PSMD7: variants seen among roughly 807,000 people sequenced by gnomAD.
PSMD7 encodes 26S proteasome non-ATPase regulatory subunit 7.
PSMD7 carries 13 observed loss-of-function variants against 36.4 expected under a neutral mutation model. That is an observed-to-expected ratio of 0.36 (90% confidence interval 0.23 to 0.57). The LOEUF (loss-of-function observed/expected upper bound fraction) is 0.57, where lower values mean the gene tolerates loss of function less well. PSMD7 is among the 20% of genes least tolerant of loss of function. The pLI is 0.83. For missense variants in PSMD7, 298 were observed against 393.6 expected (o/e 0.76, Z 2.06); for synonymous variants, 186 against 151.0 (o/e 1.23, Z -1.70).
In PSMD7 at chr16:74,305,600, C is replaced by A; in HGVS notation, c.842C>A (p.Ala281Asp). Residue 281 changes from alanine to aspartate, a missense_variant, in exon 7 of 7, where the codon GCC becomes GAC. Physicochemically the swap from Ala to Asp is moderately radical, Grantham distance 126. Transcript: ENST00000219313. ...ALHNLINNKI[A>D]NRDAEKKEGQ... Reference sequence around the variant, plus strand: ...CACAACCTCATCAACAACAAGATTGCCAACCGGGATGCAGAGAAGAAAGAA... The same window carrying A: ...CACAACCTCATCAACAACAAGATTGACAACCGGGATGCAGAGAAGAAAGAA... The A allele has an allele frequency of 6.2e-7, 1 of 1,600,254 alleles. No individual in the cohort carries two copies. Among genetic ancestry groups the A allele is most frequent in the Non-Finnish European group, 8.6e-7 (1 of 1,168,888 alleles).
In PSMD7 at chr16:74,305,758, A is replaced by G. The variant is rs766601346; in HGVS notation, c.*25A>G. ...AAACATGTATTAAATAGCTTTTTTAATTTGTAAATTAAAATCTTACAAACT... is the reference window on the plus strand; with the variant it reads ...AAACATGTATTAAATAGCTTTTTTAGTTTGTAAATTAAAATCTTACAAACT... On this transcript the variant is annotated 3_prime_UTR_variant, in exon 7 of 7. Transcript: ENST00000219313. 2.8e-6 allele frequency: 4 copies of G among 1,410,326 alleles called. No individual in the cohort carries two copies. In the African/African-American group the frequency reaches 4.3e-5, roughly 15 times the overall value. 87.4% of individuals were successfully genotyped at this position (1,410,326 alleles called of 1,614,324 possible).
rs79151396 is a variant in PSMD7 at position 74,296,851 on chromosome 16, C to T, written c.-64C>T. 7,987 of 1,565,536 alleles carry T rather than the reference C, an allele frequency of 5.1e-3. 48 individuals carry two copies. Among genetic ancestry groups the T allele is most frequent in the Middle Eastern group, 0.014 (84 of 5,832 alleles). Reference sequence around the variant, plus strand: ...ACTGGGCCTGAAAGGGTACCGGTGACCGCTACTGCTGCCGGTGTTTGCGTG... The same window carrying T: ...ACTGGGCCTGAAAGGGTACCGGTGATCGCTACTGCTGCCGGTGTTTGCGTG... On this transcript the variant is annotated 5_prime_UTR_variant, in exon 1 of 7. Coordinates refer to ENST00000219313, the MANE Select transcript of PSMD7 (RefSeq NM_002811.5).
intron 1 of PSMD7, among the ~76,000 whole-genome samples, chr16:74,297,418 G>A (rs1365580285): frequency 6.6e-6 from 1 of 151,896 alleles, no homozygotes; most frequent in East Asian, 1.9e-4. Flanking sequence ...GCGGAGGCGG[G>A]CTAGCTTCAT....
intron 1 of PSMD7, 99 bp downstream of exon 1, chr16:74,297,087 G>C: frequency 2.3e-6 from 3 of 1,307,968 alleles, no homozygotes; most frequent in Non-Finnish European, 2.2e-6. Context: ...TGGGGACGCA[G>C]ATAGGGCGGC....
chr16:74,304,253 T>A, intron 5 of PSMD7, 50 bp from the exon 6 acceptor site: 3 of 1,534,220 alleles, frequency 2.0e-6, no homozygotes, highest in Non-Finnish European at 2.7e-6. Flanking sequence ...GGAACACATG[T>A]CAGTTCGTTT....
chr16:74,299,302 T>G (rs1404378588), intron 1 of PSMD7, among the ~76,000 whole-genome samples: 1 of 152,202 alleles, frequency 6.6e-6, no homozygotes, highest in Non-Finnish European at 1.5e-5. Flanking sequence ...TTGTAACTCC[T>G]TAGGAGAAAA....
At chr16:74,301,701 C>T in intron 4 of PSMD7, 49 bp downstream of exon 4, 2 of 1,482,980 alleles carry the variant, frequency 1.3e-6, no homozygotes, top group East Asian at 2.3e-5. Flanking sequence ...TTTTGCCAGC[C>T]AGCTCAAGTA....
intron 4 of PSMD7, 108 bp downstream of exon 4, chr16:74,301,760 C>T: frequency 1.2e-6 from 1 of 808,696 alleles, no homozygotes; most frequent in Non-Finnish European, 2.0e-6. Flanking sequence ...ACTGCTTTAT[C>T]TCCATAAACT....
chr16:74,298,900 C>CT (rs2034134904), intron 1 of PSMD7, among the ~76,000 whole-genome samples: 1 of 152,068 alleles, frequency 6.6e-6, no homozygotes, highest in Non-Finnish European at 1.5e-5. Context: ...ACTAGCTTCT[C>CT]TATCAAGTAA....
intron 1 of PSMD7, among the ~76,000 whole-genome samples, chr16:74,297,259 G>GCCGAAGTTCGTTTTA (rs1483360782): frequency 6.6e-6 from 1 of 152,244 alleles, no homozygotes; most frequent in Admixed American, 6.5e-5. Flanking sequence ...AGTTCGTTTT[G>GCCGAAGTTCGTTTTA]CCGAAGTTCG....
chr16:74,300,994 G>T, intron 2 of PSMD7, 58 bp from the exon 3 acceptor site: 1 of 1,059,768 alleles, frequency 9.4e-7, no homozygotes, highest in South Asian at 1.3e-5. Context: ...CTTCAATTGT[G>T]ACCTGTGTTC....
intron 1 of PSMD7, among the ~76,000 whole-genome samples, chr16:74,297,437 G>C (rs1054917926): frequency 1.3e-5 from 2 of 151,932 alleles, no homozygotes; most frequent in African/African-American, 4.8e-5. Flanking sequence ...ATTTGGCTCT[G>C]ACCCCCGACC....
At chr16:74,301,242 T>G in intron 3 of PSMD7, 98 bp downstream of exon 3, 1 of 753,726 alleles carries the variant, frequency 1.3e-6, no homozygotes, top group Non-Finnish European at 2.2e-6. Context: ...CCCTTTCACT[T>G]AGCTACACTT....
intron 4 of PSMD7, 150 bp from the exon 5 acceptor site, chr16:74,302,062 A>G (rs2034160124): frequency 1.5e-6 from 1 of 672,238 alleles, no homozygotes; most frequent in Non-Finnish European, 2.6e-6. Context: ...TGATGAGATC[A>G]TTTGAAGCAT....
intron 2 of PSMD7, among the ~76,000 whole-genome samples, 179 bp from the exon 3 acceptor site, chr16:74,300,873 G>C (rs1173500231): frequency 1.3e-5 from 2 of 152,216 alleles, no homozygotes; most frequent in Non-Finnish European, 2.9e-5. Flanking sequence ...GAAGCTGGAA[G>C]TCTGGATTTT....
In PSMD7 at chr16:74,302,307, T is replaced by C. The variant is rs757911182; in HGVS notation, c.438+15T>C. On this transcript the variant is annotated intron_variant, in intron 5 of 6. Coordinates refer to ENST00000219313, the MANE Select transcript of PSMD7 (RefSeq NM_002811.5). Reference sequence around the variant, plus strand: ...AAGTCCATGATGTAAGTCATCTTGCTATGAACCTGGGAGGTTAGACTGCTA... The same window carrying C: ...AAGTCCATGATGTAAGTCATCTTGCCATGAACCTGGGAGGTTAGACTGCTA... 5 of 1,610,150 alleles carry C rather than the reference T, an allele frequency of 3.1e-6. No homozygotes were observed. The highest frequency in any genetic ancestry group is 4.2e-6 in the Non-Finnish European group (5 of 1,176,922).
In PSMD7 at chr16:74,305,568, C is replaced by T. The variant is rs775085672; in HGVS notation, c.810C>T (p.Val270=). ...VYLASLIRSV[V]ALHNLINNKI... ...TGGCCTCGCTGATCCGTTCCGTGGTCGCCCTGCACAACCTCATCAACAACA... is the reference window on the plus strand; with the variant it reads ...TGGCCTCGCTGATCCGTTCCGTGGTTGCCCTGCACAACCTCATCAACAACA... The change falls in exon 7 of 7, where the codon GTC becomes GTT. Residue 270 remains valine, a synonymous_variant. Coordinates refer to ENST00000219313, the MANE Select transcript of PSMD7 (RefSeq NM_002811.5). The T allele has an allele frequency of 8.1e-6, 13 of 1,611,428 alleles. No individual in the cohort carries two copies. In the Admixed American group the frequency reaches 1.2e-4, roughly 14 times the overall value.
chr16:74,297,113 G>C (rs986748296), intron 1 of PSMD7, 125 bp downstream of exon 1: 1 of 1,016,310 alleles, frequency 9.8e-7, no homozygotes, highest in African/African-American at 1.6e-5. Context: ...ACCCTTACTT[G>C]TTCACGAGTC....
At chr16:74,302,064 T>G (rs769740229) in intron 4 of PSMD7, 148 bp from the exon 5 acceptor site, 5 of 677,458 alleles carry the variant, frequency 7.4e-6, no homozygotes, top group Non-Finnish European at 1.3e-5. Flanking sequence ...ATGAGATCAT[T>G]TGAAGCATAA....
Sources: allele counts gnomAD v4.1 joint callset (sites outside exome capture counted in the v4.1 genomes callset), GRCh38; gene constraint gnomAD v4.1.1; transcripts MANE v1.5; gene names NCBI Gene and HGNC (gene_info 2026-07-23, HGNC 2026-07-21).